Variants in EEF1AKMT1 observed in about 807,000 individuals in gnomAD.
EEF1AKMT1 encodes the protein EEF1A lysine methyltransferase 1, also known as N-6 adenine-specific DNA methyltransferase 2 (putative).
A neutral mutation model predicts 21.0 loss-of-function variants in EEF1AKMT1; 18 were observed. The ratio of observed to expected loss-of-function variants is 0.86; its 90% CI spans 0.59 to 1.27. The LOEUF (loss-of-function observed/expected upper bound fraction) is 1.27. EEF1AKMT1 is among the 50% of genes most tolerant of loss of function. EEF1AKMT1 has a pLI of 0.00. For synonymous variants in EEF1AKMT1, 109 were observed against 94.8 expected, an observed-to-expected ratio of 1.15 and a Z score of -0.87; for missense variants, 246 against 258.6, an observed-to-expected ratio of 0.95 and a Z score of 0.33.
At chr13:20,767,010 T>C (rs1025311069) in intron 1 of EEF1AKMT1, among the ~76,000 whole-genome samples, 1 of 152,002 alleles carries the variant, frequency 6.6e-6, no homozygotes, top group African/African-American at 2.4e-5. Flanking sequence ...GTTGTATAGA[T>C]ATTTCCAGAT....
At chr13:20,731,450 C>G (rs1476272930) in intron 4 of EEF1AKMT1, among the ~76,000 whole-genome samples, 1 of 152,208 alleles carries the variant, frequency 6.6e-6, no homozygotes, top group African/African-American at 2.4e-5. Context: ...GAAAACTCTT[C>G]TACATTAACC....
At chr13:20,739,172 T>G (rs938804495) in intron 2 of EEF1AKMT1, among the ~76,000 whole-genome samples, 2 of 151,204 alleles carry the variant, frequency 1.3e-5, no homozygotes, top group Non-Finnish European at 2.9e-5. Context: ...TCCGAAGTTG[T>G]TCTTTGCTCC....
chr13:20,755,092 TCTAGTCATGGC>T (rs1227459359), intron 2 of EEF1AKMT1, among the ~76,000 whole-genome samples: 4 of 149,846 alleles, frequency 2.7e-5, no homozygotes, highest in Non-Finnish European at 5.9e-5. Context: ...ACACTTTGGC[TCTAGTCATGGC>T]TATAAGCAGG....
intron 2 of EEF1AKMT1, among the ~76,000 whole-genome samples, chr13:20,739,153 T>C (rs1014632287): frequency 2.8e-4 from 43 of 151,936 alleles, no homozygotes; most frequent in East Asian, 1.9e-4. Context: ...GAGTTGGTAG[T>C]TCCTCCCATC....
At chr13:20,748,594 G>A (rs965850217) in intron 2 of EEF1AKMT1, among the ~76,000 whole-genome samples, 2 of 151,614 alleles carry the variant, frequency 1.3e-5, no homozygotes, top group African/African-American at 4.9e-5. Flanking sequence ...TAAATACTAC[G>A]TTTTAAATGC....
At chr13:20,729,303 GA>G in intron 4 of EEF1AKMT1, 87 bp from the exon 5 acceptor site, 1 of 1,484,654 alleles carries the variant, frequency 6.7e-7, no homozygotes, top group East Asian at 2.3e-5. Flanking sequence ...GCTCTAGGCG[GA>G]CCACCGGTGG....
At chr13:20,772,786 G>T (rs868742062) in intron 1 of EEF1AKMT1, among the ~76,000 whole-genome samples, 1 of 152,146 alleles carries the variant, frequency 6.6e-6, no homozygotes, top group Non-Finnish European at 1.5e-5. Context: ...GGCTTCTCAG[G>T]GGCTGTGGTT....
chr13:20,743,163 T>C (rs940822613), intron 2 of EEF1AKMT1, among the ~76,000 whole-genome samples: 2 of 152,064 alleles, frequency 1.3e-5, no homozygotes, highest in African/African-American at 4.8e-5. Context: ...ACCTCCGAAA[T>C]TGAAGCGATT....
chr13:20,739,959 C>T (rs568640981), intron 2 of EEF1AKMT1, among the ~76,000 whole-genome samples: 5 of 152,368 alleles, frequency 3.3e-5, no homozygotes, highest in Middle Eastern at 3.4e-3. Flanking sequence ...GCAGTTGATG[C>T]GACTGGGCCC....
rs946235040 is a variant in EEF1AKMT1, at chr13:20,744,904, G to C, written c.145-7099C>G. On this transcript the variant is annotated intron_variant, in intron 2 of 4. Coordinates refer to ENST00000382758, the MANE Select transcript of EEF1AKMT1 (RefSeq NM_001318939.2). Reference sequence around the variant, plus strand: ...GCCCAGTTTCTCTTTTCTGCATATGGCTAGCCAGTTTTCCCAGCATCCTTT... The same window carrying C: ...GCCCAGTTTCTCTTTTCTGCATATGCCTAGCCAGTTTTCCCAGCATCCTTT... Among the ~76,000 whole-genome samples the C allele has an allele frequency of 4.5e-4, 68 of 151,980 alleles. 1 individual carries two copies. The highest frequency in any genetic ancestry group is 1.6e-3 in the African/African-American group (67 of 41,352).
At chr13:20,763,429 T>C (rs183293662) in intron 1 of EEF1AKMT1, among the ~76,000 whole-genome samples, 1 of 151,568 alleles carries the variant, frequency 6.6e-6, no homozygotes, top group Non-Finnish European at 1.5e-5. Context: ...TGTTATAGCA[T>C]CCCTAGCATT....
At chr13:20,760,373 T>C (rs1729648819) in intron 1 of EEF1AKMT1, among the ~76,000 whole-genome samples, 1 of 152,034 alleles carries the variant, frequency 6.6e-6, no homozygotes, top group African/African-American at 2.4e-5. Context: ...AAGAGTGAAA[T>C]CATGTCCTTT....
At chr13:20,757,106 G>A (rs1008682669) in intron 2 of EEF1AKMT1, 22 of 176,194 alleles carry the variant, frequency 1.2e-4, no homozygotes, top group Non-Finnish European at 2.1e-4. Context: ...GCACACCAGC[G>A]TGGCCGAGCA....
intron 2 of EEF1AKMT1, among the ~76,000 whole-genome samples, chr13:20,739,984 G>C (rs557375102): frequency 1.3e-5 from 2 of 152,228 alleles, no homozygotes; most frequent in African/African-American, 2.4e-5. Flanking sequence ...GAGAAGGGGC[G>C]GCACCCGTCA....
At chr13:20,750,030 G>A (rs2058932130) in intron 2 of EEF1AKMT1, among the ~76,000 whole-genome samples, 2 of 151,946 alleles carry the variant, frequency 1.3e-5, no homozygotes, top group Admixed American at 6.6e-5. Context: ...AATCTTATTT[G>A]TTGAATATTG....
At position 20,729,332 on chromosome 13, in the gene EEF1AKMT1, A is replaced by C. The variant is rs916435521; in HGVS notation, c.509-116T>G. On this transcript the variant is annotated intron_variant, in intron 4 of 4. Transcript: ENST00000382758. Reference sequence around the variant, plus strand: ...ACCGGTGGCAATTAGTTGACAATTCACAAGTGGGGGGAGGGAGCGAGTGTT... The same window carrying C: ...ACCGGTGGCAATTAGTTGACAATTCCCAAGTGGGGGGAGGGAGCGAGTGTT... The C allele has an allele frequency of 6.8e-6, 8 of 1,175,582 alleles. No individual in the cohort carries two copies. The African/African-American group carries it at 1.1e-4, about 16-fold the overall frequency. The allele number at this position is 1,175,582 out of a possible 1,614,324, so 72.8% of individuals were successfully genotyped here. A position where few individuals can be genotyped will look rare whatever the true frequency, so the allele number is the denominator to read the frequency against.
chr13:20,766,315 A>G, intron 1 of EEF1AKMT1, among the ~76,000 whole-genome samples: 1 of 135,936 alleles, frequency 7.4e-6, no homozygotes, highest in South Asian at 2.3e-4. Context: ...AAAAAAAAAA[A>G]GAAAGAAAGA....
intron 2 of EEF1AKMT1, among the ~76,000 whole-genome samples, chr13:20,739,204 G>T (rs1304559847): frequency 1.3e-5 from 2 of 152,140 alleles, no homozygotes; most frequent in African/African-American, 4.8e-5. Context: ...TAACTTCGCT[G>T]GTTTCAGGAG....
At chr13:20,759,615 A>C (rs2058989475) in intron 1 of EEF1AKMT1, among the ~76,000 whole-genome samples, 2 of 142,556 alleles carry the variant, frequency 1.4e-5, no homozygotes, top group African/African-American at 5.2e-5. Context: ...AAACAAAAAA[A>C]AAAAGAAACT....
Sources: gnomAD v4.1 joint callset for allele counts (sites outside exome capture counted in the v4.1 genomes callset) on GRCh38, gnomAD v4.1.1 for gene constraint, MANE v1.5 for transcripts, NCBI Gene and HGNC (gene_info 2026-07-23, HGNC 2026-07-21) for gene names.